Variants in UBE2D4 observed in about 807,000 individuals in gnomAD.
UBE2D4 encodes the protein ubiquitin conjugating enzyme E2 D4.
Under a neutral mutation model 23.0 loss-of-function variants are expected in UBE2D4, and 17 were observed. That is an observed-to-expected ratio of 0.74 (90% CI 0.51 to 1.11). The LOEUF (loss-of-function observed/expected upper bound fraction) is 1.11, where lower values mean the gene tolerates loss of function less well. UBE2D4 is among the 50% of genes least tolerant of loss of function. The probability of loss-of-function intolerance (pLI) is 0.00; values close to 1 mark genes in which losing one functional copy is unlikely to be tolerated. For synonymous variants in UBE2D4, 61 were observed against 69.4 expected (o/e 0.88, Z 0.60); for missense variants, 139 against 181.8 (o/e 0.76, Z 1.35).
chr7:43,933,034 A>G (rs1022905766), intron 1 of UBE2D4, among the ~76,000 whole-genome samples: 1 of 144,482 alleles, frequency 6.9e-6, no homozygotes, highest in Non-Finnish European at 1.5e-5. Flanking sequence ...ATATATACAC[A>G]TATGTATGTG....
At chr7:43,927,642 T>C (rs552017598) in intron 1 of UBE2D4, among the ~76,000 whole-genome samples, 1 of 152,306 alleles carries the variant, frequency 6.6e-6, no homozygotes, top group African/African-American at 2.4e-5. Context: ...CACAAGTACA[T>C]GACTAGTAAC....
intron 1 of UBE2D4, among the ~76,000 whole-genome samples, chr7:43,936,158 C>CCA (rs1376740459): frequency 6.6e-6 from 1 of 152,236 alleles, no homozygotes; most frequent in East Asian, 1.9e-4. Flanking sequence ...CCGGCATGAA[C>CCA]CACTGTACAC....
At chr7:43,934,248 G>C (rs2132758893) in intron 1 of UBE2D4, among the ~76,000 whole-genome samples, 1 of 152,052 alleles carries the variant, frequency 6.6e-6, no homozygotes, top group South Asian at 2.1e-4. Flanking sequence ...GTGTATCATG[G>C]GCCTTTGCAG....
intron 4 of UBE2D4, among the ~76,000 whole-genome samples, chr7:43,947,534 C>A (rs928424111): frequency 6.6e-6 from 1 of 152,216 alleles, no homozygotes; most frequent in Non-Finnish European, 1.5e-5. Flanking sequence ...TTTATGGCTG[C>A]ATAGTATTCC....
chr7:43,928,553 A>G (rs2095938512), intron 1 of UBE2D4, among the ~76,000 whole-genome samples: 1 of 152,146 alleles, frequency 6.6e-6, no homozygotes, highest in Admixed American at 6.6e-5. Flanking sequence ...TGTTCTAAAA[A>G]GATCTTTCTG....
rs144036491 is a variant in UBE2D4, at chr7:43,942,750, T to G, written c.89-76T>G. On this transcript the variant is annotated intron_variant, in intron 2 of 6. Transcript: ENST00000222402. The stretch of plus-strand genomic sequence containing the variant: ...TCTTGTGTAGACAGTGCGCTGTAAT[T>G]TAGCAGTGCGTTTTCAGTAGAATGA... 853 of 1,598,514 alleles carry G rather than the reference T, an allele frequency of 5.3e-4. 7 individuals carry two copies. In the Middle Eastern group the frequency reaches 0.011, roughly 21 times the overall value.
chr7:43,940,578 A>AAGCT (rs527689073), intron 2 of UBE2D4, among the ~76,000 whole-genome samples: 67 of 152,328 alleles, frequency 4.4e-4, no homozygotes, highest in African/African-American at 1.5e-3. Context: ...ACAGCACTGG[A>AAGCT]AGCTAGCCTT....
intron 4 of UBE2D4, among the ~76,000 whole-genome samples, chr7:43,945,142 G>A (rs1450467360): frequency 6.6e-6 from 1 of 152,030 alleles, no homozygotes; most frequent in Non-Finnish European, 1.5e-5. Context: ...ACAGGCACCC[G>A]CCACCACGCC....
chr7:43,939,302 A>T (rs916831461), intron 2 of UBE2D4, among the ~76,000 whole-genome samples: 2 of 152,248 alleles, frequency 1.3e-5, no homozygotes, highest in African/African-American at 2.4e-5. Context: ...CGGAGACTGA[A>T]GCAGCAGCTC....
At chr7:43,939,701 C>A (rs963271172) in intron 2 of UBE2D4, among the ~76,000 whole-genome samples, 1 of 152,106 alleles carries the variant, frequency 6.6e-6, no homozygotes, top group African/African-American at 2.4e-5. Flanking sequence ...GACAGATAAA[C>A]AAAATATGGT....
chr7:43,931,337 G>T (rs2132752006), intron 1 of UBE2D4, among the ~76,000 whole-genome samples: 1 of 152,226 alleles, frequency 6.6e-6, no homozygotes, highest in East Asian at 1.9e-4. Context: ...AGCTACTCAG[G>T]TGGCTGAGGT....
chr7:43,939,593 C>G (rs1415374436), intron 2 of UBE2D4, among the ~76,000 whole-genome samples: 1 of 152,136 alleles, frequency 6.6e-6, no homozygotes, highest in African/African-American at 2.4e-5. Context: ...ACCAAAGAAT[C>G]AAAAACAGAG....
At chr7:43,931,170 C>T (rs2095944604) in intron 1 of UBE2D4, among the ~76,000 whole-genome samples, 1 of 151,106 alleles carries the variant, frequency 6.6e-6, no homozygotes, top group South Asian at 2.1e-4. Context: ...GATGAGGTGG[C>T]CCATGCCTGT....
At chr7:43,949,012 A>T in intron 5 of UBE2D4, 1 of 440,792 alleles carries the variant, frequency 2.3e-6, no homozygotes, top group African/African-American at 2.0e-5. Flanking sequence ...GATTCTACTT[A>T]TATTTTTTTA....
chr7:43,927,668 C>G (rs2095935724), intron 1 of UBE2D4, among the ~76,000 whole-genome samples: 1 of 152,064 alleles, frequency 6.6e-6, no homozygotes, highest in South Asian at 2.1e-4. Context: ...TAGTCATTAC[C>G]TGTAGTAGGT....
chr7:43,939,636 A>G (rs117652820), intron 2 of UBE2D4, among the ~76,000 whole-genome samples: 3,176 of 152,358 alleles, frequency 0.021, 62 homozygotes, highest in Non-Finnish European at 0.03. Context: ...TGTTCACGGC[A>G]CCATTACTCA....
intron 6 of UBE2D4, 53 bp from the exon 7 acceptor site, chr7:43,952,597 G>C: frequency 6.7e-7 from 1 of 1,502,112 alleles, no homozygotes; most frequent in East Asian, 2.3e-5. Context: ...GCACATTGAA[G>C]GGAAGTGACC....
At chr7:43,932,966 G>T (rs2095949236) in intron 1 of UBE2D4, among the ~76,000 whole-genome samples, 1 of 132,472 alleles carries the variant, frequency 7.5e-6, no homozygotes, top group East Asian at 2.2e-4. Flanking sequence ...TCCCCTCCTG[G>T]GGGCAACAAA....
At chr7:43,929,571 T>C (rs967504017) in intron 1 of UBE2D4, among the ~76,000 whole-genome samples, 2 of 152,004 alleles carry the variant, frequency 1.3e-5, no homozygotes, top group Non-Finnish European at 2.9e-5. Context: ...GCCTCACCAC[T>C]GCACTCCAGC....
Sources: allele counts gnomAD v4.1 joint callset (sites outside exome capture counted in the v4.1 genomes callset), GRCh38; gene constraint gnomAD v4.1.1; transcripts MANE v1.5; gene names NCBI Gene and HGNC (gene_info 2026-07-23, HGNC 2026-07-21).